The following GAS7 variants were observed in gnomAD, a reference collection of about 807,000 sequenced individuals.
The protein encoded by GAS7 is growth arrest specific 7, also known as growth arrest-specific protein 7.
A neutral mutation model predicts 71.1 loss-of-function variants in GAS7; 28 were observed. That is an observed-to-expected ratio of 0.39 (90% confidence interval 0.29 to 0.54). The LOEUF is 0.54. Among genes scored for constraint, GAS7 ranks in the 20% least tolerant of loss-of-function variants. The pLI, the probability that GAS7 is intolerant of heterozygous loss-of-function variation, is 0.62. For synonymous variants in GAS7, 258 were observed against 245.8 expected, an observed-to-expected ratio of 1.05 and a Z score of -0.46; for missense variants, 436 against 627.8, an observed-to-expected ratio of 0.69 and a Z score of 3.27.
At chr17:9,985,133 CT>C (rs1277980416) in intron 2 of GAS7, among the ~76,000 whole-genome samples, 1 of 152,160 alleles carries the variant, frequency 6.6e-6, no homozygotes, top group Non-Finnish European at 1.5e-5. Flanking sequence ...GGAGATGCCC[CT>C]CCATCACGTT....
In GAS7 at chr17:10,022,761, C is replaced by G. The variant is rs150388825; in HGVS notation, c.184-2864G>C. On this transcript the variant is annotated intron_variant, in intron 1 of 13. Transcript: ENST00000432992. ...AGTCCGTCTACGGCGATACGGACCT[C>G]CACCCTAGCCTCACCATCCCTCTGT... is the stretch of plus-strand genomic sequence containing the variant. Among the ~76,000 whole-genome samples the G allele has an allele frequency of 5.2e-3, 797 of 152,318 alleles. 13 individuals are homozygous for G. The highest frequency in any genetic ancestry group is 6.8e-3 in the Middle Eastern group (2 of 294).
At chr17:10,056,818 C>T (rs1567572646) in intron 1 of GAS7, among the ~76,000 whole-genome samples, 1 of 151,770 alleles carries the variant, frequency 6.6e-6, no homozygotes, top group Non-Finnish European at 1.5e-5. Context: ...CCTCTCTTTC[C>T]ACGGTCTCCC....
Position 9,951,780 on chromosome 17 carries a change from A to AAAAAAC in GAS7, c.526-4798_526-4797insGTTTTT, listed in dbSNP as rs1247070881. ...TGTCTCAAAAAAAAAAAAAAAAAAA[A>AAAAAAC]AAAAAACAAGAAGAAAGGACTTTCC... is the stretch of plus-strand genomic sequence containing the variant. On this transcript the variant is annotated intron_variant, in intron 5 of 13. Coordinates refer to ENST00000432992, the MANE Select transcript of GAS7 (RefSeq NM_201433.2). Among the ~76,000 whole-genome samples the AAAAAAC allele has an allele frequency of 7.2e-3, 1,023 of 141,990 alleles. 41 individuals carry two copies. The highest frequency in any genetic ancestry group is 0.027 in the African/African-American group (972 of 36,312). The allele number at this position is 141,990 out of a possible 152,430, so 93.2% of individuals were successfully genotyped here.
intron 8 of GAS7, among the ~76,000 whole-genome samples, chr17:9,939,617 T>C (rs2068525923): frequency 6.6e-6 from 1 of 151,560 alleles, no homozygotes. Context: ...GAAGTGCCTT[T>C]TTTTTTTTTT....
intron 2 of GAS7, among the ~76,000 whole-genome samples, chr17:9,989,110 A>G (rs1431839798): frequency 6.6e-6 from 1 of 151,924 alleles, no homozygotes; most frequent in Non-Finnish European, 1.5e-5. Context: ...CAGCCTCCCA[A>G]AGTGCTGGGA....
At chr17:10,093,051 T>C (rs916981435) in intron 1 of GAS7, among the ~76,000 whole-genome samples, 3 of 152,360 alleles carry the variant, frequency 2.0e-5, no homozygotes, top group African/African-American at 7.2e-5. Flanking sequence ...AGCCAGTCTT[T>C]AGTCCACCAT....
chr17:10,108,612 A>G (rs573768096), intron 1 of GAS7, among the ~76,000 whole-genome samples: 1 of 152,242 alleles, frequency 6.6e-6, no homozygotes, highest in Non-Finnish European at 1.5e-5. Context: ...ACCAGATAGC[A>G]TGACGTTCAT....
At chr17:9,991,047 T>C (rs1368683841) in intron 2 of GAS7, among the ~76,000 whole-genome samples, 1 of 152,180 alleles carries the variant, frequency 6.6e-6, no homozygotes, top group African/African-American at 2.4e-5. Flanking sequence ...GTGAGGTACA[T>C]ACAGCTCTTA....
In GAS7 at chr17:9,916,208, G is replaced by T; in HGVS notation, c.*1020C>A. On this transcript the variant is annotated 3_prime_UTR_variant, in exon 14 of 14. Transcript: ENST00000432992. ...GCCATCTGGGGGATGGCAAAGACTT[G>T]CCCTAACCCATCTCACATGTAGGAC... is the stretch of plus-strand genomic sequence containing the variant. 4.3e-6 allele frequency: 1 copy of T among 233,072 alleles called. No homozygotes were observed. Among genetic ancestry groups the T allele is most frequent in the Non-Finnish European group, 8.5e-6 (1 of 117,938 alleles). 14.4% of individuals were successfully genotyped at this position (233,072 alleles called of 1,614,324 possible). A position where few individuals can be genotyped will look rare whatever the true frequency, so the allele number is the denominator to read the frequency against.
intron 1 of GAS7, among the ~76,000 whole-genome samples, chr17:10,039,361 CAATGGTGAAGAG>C (rs2072818355): frequency 6.6e-6 from 1 of 152,022 alleles, no homozygotes; most frequent in African/African-American, 2.4e-5. Context: ...AGCCTCTTGG[CAATGGTGAAGAG>C]AAAGCCCACC....
rs999359534 is a variant in GAS7, at chr17:9,996,931, C to T, written c.305-15047G>A. Reference sequence around the variant, plus strand: ...CTGGGATTACAGGCATGAGCCACCGCGCCAGGCCAGAAGACTATATTTTTA... The same window carrying T: ...CTGGGATTACAGGCATGAGCCACCGTGCCAGGCCAGAAGACTATATTTTTA... On this transcript the variant is annotated intron_variant, in intron 2 of 13. Coordinates refer to ENST00000432992, the MANE Select transcript of GAS7 (RefSeq NM_201433.2). 6.6e-5 allele frequency among the ~76,000 whole-genome samples: 10 copies of T among 150,856 alleles called. No individual in the cohort carries two copies. In the South Asian group the frequency reaches 1.0e-3, roughly 16 times the overall value.
chr17:9,943,845 C>T (rs1263003051), intron 6 of GAS7, among the ~76,000 whole-genome samples: 1 of 152,190 alleles, frequency 6.6e-6, no homozygotes, highest in Admixed American at 6.5e-5. Context: ...AAGTTCTTCA[C>T]TCACTCCAGG....
chr17:10,000,529 T>C (rs1054471966), intron 2 of GAS7, among the ~76,000 whole-genome samples: 4 of 152,146 alleles, frequency 2.6e-5, no homozygotes, highest in Non-Finnish European at 4.4e-5. Flanking sequence ...GTCAGAGAGA[T>C]CTAGGAAAAG....
At chr17:10,053,013 T>C (rs1555529282) in intron 1 of GAS7, among the ~76,000 whole-genome samples, 1 of 152,082 alleles carries the variant, frequency 6.6e-6, no homozygotes, top group Non-Finnish European at 1.5e-5. Context: ...CTACATGGAG[T>C]TCTTCCTGGT....
At chr17:10,046,104 T>C (rs997471367) in intron 1 of GAS7, among the ~76,000 whole-genome samples, 1 of 152,276 alleles carries the variant, frequency 6.6e-6, no homozygotes. Context: ...CAAGTCACCA[T>C]GCAGCATCCA....
chr17:9,917,125 G>A lies in GAS7; in HGVS notation c.*103C>T. Reference sequence around the variant, plus strand: ...TCACCAGCTCTCTCCCCTCTCCTCAGTGGCCCAGGAGAGAGGGTGGGGGGC... The same window carrying A: ...TCACCAGCTCTCTCCCCTCTCCTCAATGGCCCAGGAGAGAGGGTGGGGGGC... On this transcript the variant is annotated 3_prime_UTR_variant, in exon 14 of 14. Transcript: ENST00000432992. The A allele has an allele frequency of 3.8e-6, 3 of 780,496 alleles. No homozygotes were observed. Among genetic ancestry groups the A allele is most frequent in the Non-Finnish European group, 6.8e-6 (3 of 439,406 alleles). 48.3% of individuals were successfully genotyped at this position (780,496 alleles called of 1,614,324 possible).
At chr17:10,185,201 A>T (rs1281457646) in intron 1 of GAS7, among the ~76,000 whole-genome samples, 1 of 152,158 alleles carries the variant, frequency 6.6e-6, no homozygotes, top group Non-Finnish European at 1.5e-5. Context: ...CTGAGATTAC[A>T]GGCATGAGCC....
intron 3 of GAS7, among the ~76,000 whole-genome samples, chr17:9,979,371 T>A (rs548919141): frequency 7.2e-5 from 11 of 152,278 alleles, no homozygotes; most frequent in Admixed American, 5.2e-4. Context: ...TCTCTATATC[T>A]GACCTTCTCC....
intron 1 of GAS7, among the ~76,000 whole-genome samples, chr17:10,098,639 T>C (rs141390989): frequency 3.8e-4 from 58 of 152,322 alleles, no homozygotes; most frequent in African/African-American, 1.3e-3. Context: ...GGCATATCCC[T>C]AGCCAGGCAC....
Sources: allele counts gnomAD v4.1 joint callset (sites outside exome capture counted in the v4.1 genomes callset), GRCh38; gene constraint gnomAD v4.1.1; transcripts MANE v1.5; gene names NCBI Gene and HGNC (gene_info 2026-07-23, HGNC 2026-07-21).